The following PAK6 variants were observed in gnomAD, a reference collection of about 807,000 sequenced individuals.
The protein encoded by PAK6 is serine/threonine-protein kinase PAK 6.
In PAK6, 33 loss-of-function variants were observed where a neutral mutation model predicts 60.8. The ratio of observed to expected loss-of-function variants is 0.54; its 90% CI spans 0.41 to 0.73. The LOEUF (loss-of-function observed/expected upper bound fraction) is 0.73. Among genes scored for constraint, PAK6 ranks in the 30% least tolerant of loss-of-function variants. The probability of loss-of-function intolerance (pLI) is 0.00; values close to 1 mark genes in which losing one functional copy is unlikely to be tolerated. For synonymous variants in PAK6, 404 were observed against 378.5 expected (o/e 1.07, Z -0.78); for missense variants, 845 against 904.1 (o/e 0.93, Z 0.84).
At chr15:40,268,586 T>A (rs2039214057) in intron 5 of PAK6, among the ~76,000 whole-genome samples, 1 of 152,166 alleles carries the variant, frequency 6.6e-6, no homozygotes, top group African/African-American at 2.4e-5. Context: ...GCAGCTTCCA[T>A]AACAGCAGTT....
At chr15:40,252,629 C>T (rs1469347040) in intron 2 of PAK6, 1 of 1,338,396 alleles carries the variant, frequency 7.5e-7, no homozygotes, top group East Asian at 4.8e-5. Context: ...GAGGTCCCTC[C>T]CGCGGAGGGC....
At chr15:40,277,049 G>A (rs900559638) in exon 11 of PAK6, 1 of 152,194 alleles carries the variant, frequency 6.6e-6, no homozygotes, top group African/African-American at 2.4e-5. Context: ...TGTAAGGATT[G>A]GCAACTGTGT....
At chr15:40,259,603 A>G (rs1446510319) in intron 3 of PAK6, 1 of 152,122 alleles carries the variant, frequency 6.6e-6, no homozygotes, top group Non-Finnish European at 1.5e-5. Flanking sequence ...CCCAGCCAAC[A>G]TGGTGAAACC....
At chr15:40,256,953 C>G (rs544829207) in intron 3 of PAK6, 47 of 152,366 alleles carry the variant, frequency 3.1e-4, no homozygotes, top group African/African-American at 1.1e-3. Flanking sequence ...TTAATCCATC[C>G]CTTGTCATCT....
In PAK6 at chr15:40,253,303, C is replaced by T; in HGVS notation, c.-6+14C>T. On this transcript the variant is annotated intron_variant, in intron 3 of 10. Coordinates refer to ENST00000560346, the Ensembl canonical transcript of PAK6. ...AGGCGCCGGAAGGTGAGTGAGCGAG[C>T]GGCCCCCGGCCCTAGAGCCTTCTGC... The T allele has an allele frequency of 2.2e-6, 1 of 454,854 alleles. No homozygotes were observed. Among genetic ancestry groups the T allele is most frequent in the Middle Eastern group, 4.3e-4 (1 of 2,324 alleles). 28.2% of individuals were successfully genotyped at this position (454,854 alleles called of 1,614,324 possible). A position where few individuals can be genotyped will look rare whatever the true frequency, so the allele number is the denominator to read the frequency against.
At chr15:40,253,249 CG>C (rs1566846147) in exon 3 of PAK6, 3 of 455,852 alleles carry the variant, frequency 6.6e-6, no homozygotes, top group Non-Finnish European at 4.4e-6. Flanking sequence ...AGGCCCAGTG[CG>C]GGTGAGGAGT....
intron 5 of PAK6, 95 bp from the exon 6 acceptor site, chr15:40,272,129 G>A: frequency 7.3e-7 from 1 of 1,374,770 alleles, no homozygotes; most frequent in Non-Finnish European, 1.0e-6. Context: ...GACCCTGCCA[G>A]AGTCCAGAGG....
intron 1 of PAK6, chr15:40,240,379 C>T (rs1394757112): frequency 2.9e-6 from 1 of 341,858 alleles, no homozygotes; most frequent in Non-Finnish European, 5.8e-6. Flanking sequence ...ACAGGGCATG[C>T]CCCAGTGTGT....
At chr15:40,264,967 G>A (rs376432897) in exon 4 of PAK6, 10 of 1,613,352 alleles carry the variant, frequency 6.2e-6, no homozygotes, top group African/African-American at 5.3e-5. Context: ...CGAATCACAC[G>A]GGTGCAGCTC....
chr15:40,263,331 G>C (rs901984915), intron 3 of PAK6, among the ~76,000 whole-genome samples: 3 of 152,208 alleles, frequency 2.0e-5, no homozygotes, highest in Non-Finnish European at 4.4e-5. Context: ...TAAGAACCCA[G>C]TGAGCTGTTC....
At chr15:40,271,588 G>A (rs975097951) in intron 5 of PAK6, among the ~76,000 whole-genome samples, 1 of 152,188 alleles carries the variant, frequency 6.6e-6, no homozygotes, top group African/African-American at 2.4e-5. Context: ...AGACACCTGA[G>A]AACCCCCCAG....
chr15:40,241,412 C>T (rs898604206), intron 2 of PAK6, among the ~76,000 whole-genome samples: 6 of 152,022 alleles, frequency 3.9e-5, no homozygotes, highest in Admixed American at 1.3e-4. Flanking sequence ...GCTTAGGAGC[C>T]GTGTGGCCCC....
At chr15:40,262,495 A>G (rs1267081245) in intron 3 of PAK6, among the ~76,000 whole-genome samples, 2 of 151,234 alleles carry the variant, frequency 1.3e-5, no homozygotes. Context: ...CAGGGCGGCA[A>G]GACTCCTTCT....
chr15:40,275,280 G>GTTTTTTTT (rs869058525), intron 10 of PAK6, among the ~76,000 whole-genome samples: 765 of 56,396 alleles, frequency 0.014, 130 homozygotes, highest in African/African-American at 0.023. Context: ...GTTGTTGTTG[G>GTTTTTTTT]TTTTTTTTTT....
exon 5 of PAK6, chr15:40,266,112 C>T: frequency 1.2e-6 from 2 of 1,607,394 alleles, no homozygotes; most frequent in South Asian, 1.1e-5. Context: ...CAAGCAGATG[C>T]CGTGGCCCGA....
chr15:40,271,729 G>A (rs2039307613), intron 5 of PAK6, among the ~76,000 whole-genome samples: 1 of 137,912 alleles, frequency 7.3e-6, no homozygotes, highest in South Asian at 2.5e-4. Context: ...TTCAGGGAGT[G>A]GAGACACAGT....
chr15:40,268,901 A>G (rs2140986217), intron 5 of PAK6, among the ~76,000 whole-genome samples: 1 of 152,362 alleles, frequency 6.6e-6, no homozygotes. Flanking sequence ...GTCAGCAGCC[A>G]CGGGCGTCCT....
At chr15:40,266,215 T>C (rs764247717) in exon 5 of PAK6, 3 of 1,609,810 alleles carry the variant, frequency 1.9e-6, no homozygotes, top group Middle Eastern at 1.6e-4. Flanking sequence ...CAGCGCTGTC[T>C]GCAGCTGGGT....
chr15:40,248,396 G>A (rs932954693), intron 2 of PAK6, among the ~76,000 whole-genome samples: 2 of 152,182 alleles, frequency 1.3e-5, no homozygotes, highest in Non-Finnish European at 2.9e-5. Context: ...CCCAGGCTTC[G>A]GGCTCCAGGG....
Sources: gnomAD v4.1 joint callset for allele counts (sites outside exome capture counted in the v4.1 genomes callset) on GRCh38, gnomAD v4.1.1 for gene constraint, MANE v1.5 for transcripts, NCBI Gene and HGNC (gene_info 2026-07-23, HGNC 2026-07-21) for gene names.